Variants in FBXO42 observed in about 807,000 individuals in gnomAD.
FBXO42 encodes the protein F-box only protein 42.
In FBXO42, 12 loss-of-function variants were observed where a neutral mutation model predicts 71.7. The ratio of observed to expected loss-of-function variants is 0.17; its 90% CI spans 0.11 to 0.27. The LOEUF (loss-of-function observed/expected upper bound fraction) is 0.27, where lower values mean the gene tolerates loss of function less well. Ranked by LOEUF, FBXO42 falls within the 10% of genes least tolerant of loss-of-function variation. The pLI is 1.00. For missense variants in FBXO42, 707 were observed against 911.9 expected, an observed-to-expected ratio of 0.78 and a Z score of 2.89; for synonymous variants, 325 against 327.5, an observed-to-expected ratio of 0.99 and a Z score of 0.08.
At chr1:16,295,150 C>G (rs2082115601) in intron 3 of FBXO42, among the ~76,000 whole-genome samples, 1 of 152,114 alleles carries the variant, frequency 6.6e-6, no homozygotes, top group Admixed American at 6.6e-5. Context: ...AGCAAGTTGA[C>G]AATGATGTAA....
rs386366300 is a variant in FBXO42 at position 16,283,494 on chromosome 1, G to GTT, written c.502+11287_502+11288dup. Among the ~76,000 whole-genome samples the GTT allele has an allele frequency of 4.3e-3, 346 of 80,970 alleles. 16 individuals carry two copies. The highest frequency in any genetic ancestry group is 9.3e-3 in the Middle Eastern group (1 of 108). The allele number at this position is 80,970 out of a possible 152,430, so 53.1% of individuals were successfully genotyped here. ...TTATAGACTCTTCTAACTGTGGCAA[G>GTT]TTTTTTTTTTTTTTTTTTTTTTTGA... On this transcript the variant is annotated intron_variant, in intron 4 of 9. Transcript: ENST00000375592.
intron 1 of FBXO42, among the ~76,000 whole-genome samples, chr1:16,325,737 T>C (rs2100597123): frequency 6.6e-6 from 1 of 152,238 alleles, no homozygotes; most frequent in Middle Eastern, 3.4e-3. Context: ...GCGATTCTCC[T>C]ACCTCAGCCT....
chr1:16,284,493 A>G (rs1433593249), intron 4 of FBXO42, among the ~76,000 whole-genome samples: 1 of 152,168 alleles, frequency 6.6e-6, no homozygotes, highest in Non-Finnish European at 1.5e-5. Context: ...TCCCCTCAGG[A>G]AGATCATTCC....
chr1:16,351,178 A>C (rs1169777555), intron 1 of FBXO42, among the ~76,000 whole-genome samples: 1 of 152,236 alleles, frequency 6.6e-6, no homozygotes, highest in East Asian at 1.9e-4. Context: ...TCCAAGCAAA[A>C]GCAATCGCCT....
chr1:16,320,639 C>T (rs910476693), intron 1 of FBXO42, among the ~76,000 whole-genome samples: 9 of 151,432 alleles, frequency 5.9e-5, no homozygotes, highest in African/African-American at 4.9e-5. Context: ...AAGTAGCTGG[C>T]GCACATCACT....
chr1:16,325,506 T>C (rs2082441860), intron 1 of FBXO42, among the ~76,000 whole-genome samples: 1 of 152,194 alleles, frequency 6.6e-6, no homozygotes, highest in African/African-American at 2.4e-5. Context: ...TTATAAAGCA[T>C]ACCAAATTTC....
intron 1 of FBXO42, among the ~76,000 whole-genome samples, chr1:16,344,673 G>A (rs777083858): frequency 1.3e-5 from 2 of 151,682 alleles, no homozygotes; most frequent in African/African-American, 2.4e-5. Flanking sequence ...ACATACATAG[G>A]ATAAAGCAAA....
chr1:16,349,551 C>T (rs1425342732), intron 1 of FBXO42, among the ~76,000 whole-genome samples: 1 of 152,208 alleles, frequency 6.6e-6, no homozygotes. Flanking sequence ...AATCAAATGG[C>T]TTCTGGTTTT....
intron 1 of FBXO42, among the ~76,000 whole-genome samples, chr1:16,327,722 A>G (rs750786657): frequency 6.6e-6 from 1 of 152,312 alleles, no homozygotes; most frequent in East Asian, 1.9e-4. Context: ...TTGTTTTTTA[A>G]GACGGAGTCT....
chr1:16,250,807 G>A lies in FBXO42; in HGVS notation c.2017C>T (p.Pro673Ser), dbSNP rs1191442687. ...ACGGTATGCAGGCTGGTTTCAGGAGGTCCAACCACAGAACTGCTATTAAAT... is the reference window on the plus strand; with the variant it reads ...ACGGTATGCAGGCTGGTTTCAGGAGATCCAACCACAGAACTGCTATTAAAT... ...KVFNSSSVVGPPETSLHTVVQ... is the reference protein window; with the variant it reads ...KVFNSSSVVGSPETSLHTVVQ... Residue 673 changes from proline to serine, a missense_variant, in exon 10 of 10, where the codon CCT becomes TCT. This residue lies in a region of FBXO42 where 482 missense variants were observed against 587.1 expected (regional missense o/e 0.82). Transcript: ENST00000375592. This position sits in a 1 kb window ranked among gnomAD's most constrained non-coding sequence, Gnocchi z 4.7. 3 of 1,613,968 alleles carry A rather than the reference G, an allele frequency of 1.9e-6. No individual in the cohort carries two copies. The African/African-American group carries it at 4.0e-5, about 22-fold the overall frequency.
At chr1:16,300,485 C>CT (rs1172769463) in intron 3 of FBXO42, among the ~76,000 whole-genome samples, 4 of 152,172 alleles carry the variant, frequency 2.6e-5, no homozygotes, top group Admixed American at 2.6e-4. Context: ...TAAATGCTCA[C>CT]TAAATGAATG....
intron 4 of FBXO42, among the ~76,000 whole-genome samples, chr1:16,283,963 G>A (rs78486408): frequency 0.018 from 2,738 of 151,614 alleles, 34 homozygotes; most frequent in Middle Eastern, 0.039. Context: ...TATGACTTAC[G>A]TTGACTCTGT....
At chr1:16,279,815 G>C (rs982947959) in intron 4 of FBXO42, among the ~76,000 whole-genome samples, 17 of 148,718 alleles carry the variant, frequency 1.1e-4, no homozygotes, top group African/African-American at 4.0e-4. Flanking sequence ...CTGGTTAATA[G>C]AAACAGTGAA....
chr1:16,313,471 CTTTA>C (rs1557598040), intron 2 of FBXO42, among the ~76,000 whole-genome samples: 1 of 152,084 alleles, frequency 6.6e-6, no homozygotes, highest in Non-Finnish European at 1.5e-5. Context: ...GTTTTCCTCC[CTTTA>C]TTTGAGAAGT....
In FBXO42 at chr1:16,252,551, T is replaced by C. The variant is rs879201623; in HGVS notation, c.922-147A>G. Reference sequence around the variant, plus strand: ...GGATAGCAAAATCCTCAGTTAATTATTCAGTTGTGCATGCATCCACTTACG... The same window carrying C: ...GGATAGCAAAATCCTCAGTTAATTACTCAGTTGTGCATGCATCCACTTACG... On this transcript the variant is annotated intron_variant, in intron 8 of 9. Transcript: ENST00000375592. This position sits in a 1 kb window ranked among gnomAD's most constrained non-coding sequence, Gnocchi z 4.4. 10 of 627,372 alleles carry C rather than the reference T, an allele frequency of 1.6e-5. No individual in the cohort carries two copies. Among genetic ancestry groups the C allele is most frequent in the Admixed American group, 1.3e-4 (5 of 38,158 alleles). The allele number at this position is 627,372 out of a possible 1,614,324, so 38.9% of individuals were successfully genotyped here.
chr1:16,282,248 CAG>C (rs1476796011), intron 4 of FBXO42, among the ~76,000 whole-genome samples: 18 of 144,858 alleles, frequency 1.2e-4, no homozygotes, highest in Non-Finnish European at 1.5e-5. Context: ...TTTTTTGAGA[CAG>C]AGTCTCACTC....
Position 16,249,605 on chromosome 1 carries a change from G to A in FBXO42, c.*1065C>T, listed in dbSNP as rs2081570830. ...CCATAGGGAAAAAACAGTATCTTTT[G>A]ATGCTTGCTTCAAAGATTTCTCACA... On this transcript the variant is annotated 3_prime_UTR_variant, in exon 10 of 10. Transcript: ENST00000375592. 1 of 152,162 alleles carries A rather than the reference G, an allele frequency of 6.6e-6. No homozygotes were observed. The highest frequency in any genetic ancestry group is 2.4e-5 in the African/African-American group (1 of 41,438). The allele number at this position is 152,162 out of a possible 1,614,324, so 9.4% of individuals were successfully genotyped here.
intron 4 of FBXO42, among the ~76,000 whole-genome samples, chr1:16,291,137 A>G (rs1220046737): frequency 6.6e-6 from 1 of 152,120 alleles, no homozygotes; most frequent in Non-Finnish European, 1.5e-5. Flanking sequence ...TTAGAAGACA[A>G]CCTCACAACT....
chr1:16,263,756 AAAAAC>A (rs895957959), intron 4 of FBXO42, among the ~76,000 whole-genome samples: 7 of 151,748 alleles, frequency 4.6e-5, no homozygotes, highest in Non-Finnish European at 5.9e-5. Context: ...CGAAAAACCA[AAAAAC>A]AAAACAAAAC....
Sources: allele counts gnomAD v4.1 joint callset (sites outside exome capture counted in the v4.1 genomes callset), GRCh38; gene constraint gnomAD v4.1.1; regional missense constraint gnomAD v4.1.1; non-coding constraint Gnocchi (gnomAD v3.1); transcripts MANE v1.5; gene names NCBI Gene and HGNC (gene_info 2026-07-23, HGNC 2026-07-21).